NEGR1: variants seen among roughly 807,000 people sequenced by gnomAD.
NEGR1 encodes the protein neuronal growth regulator 1.
A neutral mutation model predicts 40.9 loss-of-function variants in NEGR1; 10 were observed. The ratio of observed to expected loss-of-function variants is 0.24; its 90% confidence interval spans 0.15 to 0.42. The LOEUF is 0.42. Ranked by LOEUF, NEGR1 falls within the 10% of genes least tolerant of loss-of-function variation. The pLI, the probability that NEGR1 is intolerant of heterozygous loss-of-function variation, is 1.00. For missense variants in NEGR1, 352 were observed against 438.9 expected, an observed-to-expected ratio of 0.80 and a Z score of 1.77; for synonymous variants, 185 against 166.8, an observed-to-expected ratio of 1.11 and a Z score of -0.84.
intron 6 of NEGR1, among the ~76,000 whole-genome samples, chr1:71,484,072 C>A (rs1386025753): frequency 6.6e-6 from 1 of 151,610 alleles, no homozygotes; most frequent in Non-Finnish European, 1.5e-5. Flanking sequence ...TTACCATATT[C>A]TACTTATTTT....
At chr1:71,711,591 C>G (rs2101643784) in intron 3 of NEGR1, among the ~76,000 whole-genome samples, 1 of 151,774 alleles carries the variant, frequency 6.6e-6, no homozygotes, top group South Asian at 2.1e-4. Flanking sequence ...AAGAGTTTGT[C>G]AGTTTTTCAT....
chr1:72,025,260 C>T (rs945699547), intron 1 of NEGR1, among the ~76,000 whole-genome samples: 5 of 151,986 alleles, frequency 3.3e-5, no homozygotes, highest in African/African-American at 1.2e-4. Flanking sequence ...ATAATATTTC[C>T]GAGAAAAGGC....
At chr1:72,245,496 T>C (rs1302406007) in intron 1 of NEGR1, among the ~76,000 whole-genome samples, 1 of 152,148 alleles carries the variant, frequency 6.6e-6, no homozygotes, top group Admixed American at 6.6e-5. Context: ...CAGTACACGT[T>C]AAGATACTAT....
At chr1:71,591,159 T>G (rs1327284113) in intron 6 of NEGR1, among the ~76,000 whole-genome samples, 1 of 152,122 alleles carries the variant, frequency 6.6e-6, no homozygotes, top group Non-Finnish European at 1.5e-5. Flanking sequence ...ATTTTCACAT[T>G]TGCCTTTATT....
intron 2 of NEGR1, among the ~76,000 whole-genome samples, chr1:71,806,989 T>C: frequency 6.7e-6 from 1 of 149,292 alleles, no homozygotes; most frequent in South Asian, 2.2e-4. Context: ...ACCTTCCGGG[T>C]TCACACCATT....
chr1:71,495,823 T>G (rs1375510057), intron 6 of NEGR1, among the ~76,000 whole-genome samples: 1 of 152,178 alleles, frequency 6.6e-6, no homozygotes, highest in Non-Finnish European at 1.5e-5. Flanking sequence ...ATCATTTTCC[T>G]AAGGAACCAC....
At chr1:71,966,393 G>C (rs894154637) in intron 1 of NEGR1, among the ~76,000 whole-genome samples, 1 of 152,138 alleles carries the variant, frequency 6.6e-6, no homozygotes, top group African/African-American at 2.4e-5. Context: ...AGAAATTTCA[G>C]ATACATGCCA....
chr1:72,235,147 C>T (rs1654506000), intron 1 of NEGR1, among the ~76,000 whole-genome samples: 2 of 152,020 alleles, frequency 1.3e-5, no homozygotes, highest in Admixed American at 1.3e-4. Flanking sequence ...TATGAAAGAA[C>T]ATGGAAAATA....
chr1:71,535,499 C>T (rs375841032), intron 6 of NEGR1, among the ~76,000 whole-genome samples: 4 of 151,672 alleles, frequency 2.6e-5, no homozygotes, highest in African/African-American at 7.3e-5. Flanking sequence ...AATTATGTTG[C>T]GTGCAGGATC....
chr1:72,138,624 A>G (rs1355008377), intron 1 of NEGR1, among the ~76,000 whole-genome samples: 1 of 152,020 alleles, frequency 6.6e-6, no homozygotes, highest in African/African-American at 2.4e-5. Flanking sequence ...AACTGAGATA[A>G]AAAAGGTGAT....
chr1:72,156,397 C>T (rs1038889438), intron 1 of NEGR1, among the ~76,000 whole-genome samples: 1 of 152,080 alleles, frequency 6.6e-6, no homozygotes, highest in African/African-American at 2.4e-5. Flanking sequence ...TGAACAAGAA[C>T]ACAAACCACA....
At chr1:71,760,978 C>G (rs12124058) in intron 3 of NEGR1, among the ~76,000 whole-genome samples, 63,043 of 152,096 alleles carry the variant, frequency 0.41, 15,461 homozygotes, top group Middle Eastern at 0.6. Flanking sequence ...AACAATAGAT[C>G]CCAGCAGTGT....
intron 2 of NEGR1, among the ~76,000 whole-genome samples, chr1:71,823,757 T>C (rs1658516931): frequency 6.6e-6 from 1 of 152,028 alleles, no homozygotes; most frequent in Admixed American, 6.6e-5. Context: ...AGATAAAGTG[T>C]TGAGAAAACA....
chr1:72,072,104 T>C (rs1303397483), intron 1 of NEGR1, among the ~76,000 whole-genome samples: 1 of 152,194 alleles, frequency 6.6e-6, no homozygotes, highest in Non-Finnish European at 1.5e-5. Flanking sequence ...GGCACATTCC[T>C]ATTTCTATTT....
chr1:71,685,055 A>G (rs1477064581), intron 4 of NEGR1, among the ~76,000 whole-genome samples: 1 of 152,170 alleles, frequency 6.6e-6, no homozygotes, highest in African/African-American at 2.4e-5. Flanking sequence ...ATAAATACCA[A>G]TGTATTAAAG....
At chr1:72,207,924 T>A (rs1191976208) in intron 1 of NEGR1, among the ~76,000 whole-genome samples, 1 of 151,772 alleles carries the variant, frequency 6.6e-6, no homozygotes, top group African/African-American at 2.4e-5. Context: ...CATAAAAATT[T>A]TTCAATAATT....
At chr1:71,486,348 C>T (rs908998044) in intron 6 of NEGR1, 3 of 151,176 alleles carry the variant, frequency 2.0e-5, no homozygotes, top group Admixed American at 6.6e-5. Context: ...GGGTAACATT[C>T]CTTCCTCTGA....
chr1:72,119,626 A>G (rs1032231377), intron 1 of NEGR1, among the ~76,000 whole-genome samples: 2 of 151,918 alleles, frequency 1.3e-5, no homozygotes, highest in Non-Finnish European at 2.9e-5. Flanking sequence ...GTACTTCTCA[A>G]ATGGGGATGA....
intron 1 of NEGR1, among the ~76,000 whole-genome samples, chr1:72,096,550 T>A (rs1331563840): frequency 1.7e-5 from 2 of 121,068 alleles, no homozygotes; most frequent in African/African-American, 2.6e-5. Context: ...GAATAACTAT[T>A]AATTACACTT....
Sources: allele counts gnomAD v4.1 joint callset (sites outside exome capture counted in the v4.1 genomes callset), GRCh38; gene constraint gnomAD v4.1.1; transcripts MANE v1.5; gene names NCBI Gene and HGNC (gene_info 2026-07-23, HGNC 2026-07-21).